The following CTCFL variants were observed in gnomAD, a reference collection of about 807,000 sequenced individuals.
CTCFL encodes transcriptional repressor CTCFL.
A neutral mutation model predicts 67.4 loss-of-function variants in CTCFL; 36 were observed. The observed-to-expected ratio is 0.53, with a 90% CI of 0.41 to 0.71. The LOEUF is 0.71. Ranked by LOEUF, CTCFL falls within the 30% of genes least tolerant of loss-of-function variation. CTCFL has a pLI of 0.00. For synonymous variants in CTCFL, 324 were observed against 302.3 expected, an observed-to-expected ratio of 1.07 and a Z score of -0.75; for missense variants, 786 against 835.2, an observed-to-expected ratio of 0.94 and a Z score of 0.73.
At chr20:57,524,632 T>C (rs1051869642) in intron 1 of CTCFL, 15 of 1,008,642 alleles carry the variant, frequency 1.5e-5, no homozygotes, top group Non-Finnish European at 1.8e-5. Flanking sequence ...CCAGTGCATA[T>C]CCTGGGCCTA....
At chr20:57,499,945 C>T (rs758655279) in intron 10 of CTCFL, 33 of 985,512 alleles carry the variant, frequency 3.3e-5, no homozygotes, top group Admixed American at 6.1e-5. Context: ...CACAGGTCCA[C>T]GGCTGGGGGG....
intron 3 of CTCFL, among the ~76,000 whole-genome samples, chr20:57,520,972 C>A (rs1369323002): frequency 6.6e-6 from 1 of 152,188 alleles, no homozygotes; most frequent in Non-Finnish European, 1.5e-5. Flanking sequence ...AGGAATAATT[C>A]CATGTGATAA....
intron 7 of CTCFL, among the ~76,000 whole-genome samples, chr20:57,514,131 T>G (rs1185330733): frequency 6.6e-6 from 1 of 152,220 alleles, no homozygotes; most frequent in Non-Finnish European, 1.5e-5. Flanking sequence ...TTTTGAAACT[T>G]CTGCTTCCAA....
chr20:57,507,300 T>C lies in CTCFL; in HGVS notation c.1674+1306A>G. ...TCTGTCTCCTGGGTTCAAGTGATCC[T>C]CCCGTCCCAACCACCCAAGTAGCTG... On this transcript the variant is annotated intron_variant, in intron 9 of 10. Transcript: ENST00000243914. 3 of 400,016 alleles carry C rather than the reference T, an allele frequency of 7.5e-6. No individual in the cohort carries two copies. The South Asian group carries it at 7.5e-5, about 10-fold the overall frequency. The allele number at this position is 400,016 out of a possible 1,614,324, so 24.8% of individuals were successfully genotyped here. A position where few individuals can be genotyped will look rare whatever the true frequency, so the allele number is the denominator to read the frequency against.
At chr20:57,502,765 C>T (rs1485203747) in intron 10 of CTCFL, among the ~76,000 whole-genome samples, 3 of 152,182 alleles carry the variant, frequency 2.0e-5, no homozygotes, top group Admixed American at 6.5e-5. Context: ...GGCCAGAGGA[C>T]GAAGACTGTG....
intron 10 of CTCFL, among the ~76,000 whole-genome samples, chr20:57,500,993 A>G (rs1302065734): frequency 6.6e-6 from 1 of 152,206 alleles, no homozygotes; most frequent in Non-Finnish European, 1.5e-5. Context: ...TTAAACTCAG[A>G]GCCGAGGTGG....
At chr20:57,514,814 T>G (rs1407201415) in intron 6 of CTCFL, 73 bp from the exon 7 acceptor site, 93 of 91,384 alleles carry the variant, frequency 1.0e-3, no homozygotes, top group Non-Finnish European at 1.2e-3. Context: ...GCTGAAAGTG[T>G]TTTTTTTTTT....
chr20:57,508,709 C>A lies in CTCFL; in HGVS notation c.1571G>T (p.Arg524Leu), dbSNP rs376165241. ...FTCLSCNKCF[R>L]QKQLLNAHFR... is the part of the protein sequence containing the mutation. Reference sequence around the variant, plus strand: ...GTGAGCGTTTAGAAGTTGCTTCTGTCGGAAACATTTATTGCAAGAAAGGCA... The same window carrying A: ...GTGAGCGTTTAGAAGTTGCTTCTGTAGGAAACATTTATTGCAAGAAAGGCA... Residue 524 changes from arginine (R) to leucine (L), a missense_variant, in exon 9 of 11, where the codon CGA becomes CTA. Arg to Leu is a moderately radical substitution (Grantham distance 102). Coordinates refer to ENST00000243914, the MANE Select transcript of CTCFL (RefSeq NM_001386993.1). The A allele has an allele frequency of 3.1e-6, 5 of 1,613,978 alleles. No individual in the cohort carries two copies. The African/African-American group carries it at 5.3e-5, about 17-fold the overall frequency.
At position 57,503,487 on chromosome 20, in the gene CTCFL, T is replaced by C; in HGVS notation, c.1789A>G (p.Lys597Glu). 2 of 1,614,220 alleles carry C rather than the reference T, an allele frequency of 1.2e-6. No homozygotes were observed. The highest frequency in any genetic ancestry group is 8.5e-7 in the Non-Finnish European group (1 of 1,180,034). Residue 597 changes from lysine to glutamate, a missense_variant, in exon 10 of 11, where the codon AAG (lysine) becomes GAG (glutamate). By Grantham distance (56) the Lys-to-Glu change is moderately conservative. Coordinates refer to ENST00000243914, the MANE Select transcript of CTCFL (RefSeq NM_001386993.1). ...RKQTILKEAT[K>E]GQKEAAKGWK... is the part of the protein sequence containing the mutation. ...CCCTTCGCAGCTTCCTTCTGACCCT[T>C]TGTGGCTTCCTTCAGGATGGTCTGC... is the stretch of plus-strand genomic sequence containing the variant.
intron 10 of CTCFL, chr20:57,500,011 C>G (rs2225194): frequency 1.0e-6 from 1 of 986,644 alleles, no homozygotes; most frequent in Non-Finnish European, 1.2e-6. Context: ...ATCCACAGAG[C>G]GCCACACTGA....
Position 57,502,455 on chromosome 20 carries a change from A to T in CTCFL, c.1840+981T>A, listed in dbSNP as rs144542334. ...GATTGAGCTGGGCATCCTCTATCTG[A>T]TCTGGTAACTCTTGAGGAAAGGCAG... On this transcript the variant is annotated intron_variant, in intron 10 of 10. Transcript: ENST00000243914. Among the ~76,000 whole-genome samples, 3 of 152,250 alleles carry T rather than the reference A, an allele frequency of 2.0e-5. No individual in the cohort carries two copies. In the East Asian group the frequency reaches 5.8e-4, roughly 29 times the overall value.
Position 57,519,117 on chromosome 20 carries a change from G to A in CTCFL, c.925+90C>T, listed in dbSNP as rs757085018. 8.2e-5 allele frequency: 111 copies of A among 1,360,772 alleles called. 1 individual carries two copies. The highest frequency in any genetic ancestry group is 1.0e-4 in the Non-Finnish European group (103 of 988,188). 84.3% of individuals were successfully genotyped at this position (1,360,772 alleles called of 1,614,324 possible). On this transcript the variant is annotated intron_variant, in intron 4 of 10. Transcript: ENST00000243914. ...AAAACTAAAGTATAAAATGTTACACGATTCTACTGTAGAAACAGGTGGATT... is the reference window on the plus strand; with the variant it reads ...AAAACTAAAGTATAAAATGTTACACAATTCTACTGTAGAAACAGGTGGATT...
intron 1 of CTCFL, chr20:57,524,745 C>G: frequency 1.0e-6 from 1 of 988,394 alleles, no homozygotes; most frequent in Non-Finnish European, 1.2e-6. Context: ...CTAGACCTAG[C>G]ACCCTCAGAG....
rs760961447 is a variant in CTCFL, at chr20:57,523,288, A to C, written c.544-10T>G. ...CCTGCTCTTCCTCGAGCTAATAAAC[A>C]ACAAATATTCAAATATGATACTATT... On this transcript the variant is annotated splice_polypyrimidine_tract_variant and intron_variant, in intron 2 of 10. Transcript: ENST00000243914. The C allele has an allele frequency of 7.5e-6, 12 of 1,607,922 alleles. No homozygotes were observed. The highest frequency in any genetic ancestry group is 1.7e-6 in the Non-Finnish European group (2 of 1,175,974).
In CTCFL at chr20:57,525,134, CGA is replaced by C. The variant is rs2069782705; in HGVS notation, c.-120_-119del. 1.3e-5 allele frequency: 2 copies of C among 150,760 alleles called. No homozygotes were observed. The highest frequency in any genetic ancestry group is 2.0e-4 in the East Asian group (1 of 5,028). 9.3% of individuals were successfully genotyped at this position (150,760 alleles called of 1,614,324 possible). ...ACAGCCGGCCGCCGCCGGGCTGGCG[CGA>C]GAGTGGAGGGTGGCAGTGCGCAGGC... On this transcript the variant is annotated 5_prime_UTR_variant, in exon 1 of 11. Transcript: ENST00000243914.
intron 10 of CTCFL, among the ~76,000 whole-genome samples, chr20:57,503,114 T>G (rs1334496139): frequency 6.6e-6 from 1 of 152,222 alleles, no homozygotes; most frequent in Non-Finnish European, 1.5e-5. Context: ...CAATTTCTGT[T>G]GTCCCAAGCC....
chr20:57,508,811 C>G (rs764104357), intron 8 of CTCFL, 23 bp from the exon 9 acceptor site: 2 of 1,608,838 alleles, frequency 1.2e-6, no homozygotes, highest in Non-Finnish European at 1.7e-6. Context: ...GGGAAGAAAG[C>G]AGCTTGTCTA....
chr20:57,497,793 A>T lies in CTCFL; in HGVS notation c.*757T>A. ...ATGGAGTGAAATACTAATAAGCAAT[A>T]ATGGAATGTAACCAGGGCAATTTCA... On this transcript the variant is annotated 3_prime_UTR_variant, in exon 11 of 11. Transcript: ENST00000243914. 1.0e-6 allele frequency: 1 copy of T among 985,212 alleles called. No individual in the cohort carries two copies. Among genetic ancestry groups the T allele is most frequent in the Non-Finnish European group, 1.2e-6 (1 of 829,710 alleles). 61.0% of individuals were successfully genotyped at this position (985,212 alleles called of 1,614,324 possible). A position where few individuals can be genotyped will look rare whatever the true frequency, so the allele number is the denominator to read the frequency against.
chr20:57,518,464 A>G, intron 5 of CTCFL: 1 of 1,337,380 alleles, frequency 7.5e-7, no homozygotes, highest in Non-Finnish European at 9.8e-7. Context: ...AGTACTAGAT[A>G]AAATGCAGAA....
Sources: allele counts gnomAD v4.1 joint callset (sites outside exome capture counted in the v4.1 genomes callset), GRCh38; gene constraint gnomAD v4.1.1; transcripts MANE v1.5; gene names NCBI Gene and HGNC (gene_info 2026-07-23, HGNC 2026-07-21).